The following ZNF609 variants were observed in gnomAD, a reference collection of about 807,000 sequenced individuals.
ZNF609 encodes the protein zinc finger protein 609.
In ZNF609, 11 loss-of-function variants were observed where a neutral mutation model predicts 109.5. That is an observed-to-expected ratio of 0.10 (90% CI 0.06 to 0.17). The LOEUF (loss-of-function observed/expected upper bound fraction) is 0.17, where lower values mean the gene tolerates loss of function less well. Among genes scored for constraint, ZNF609 ranks in the 10% least tolerant of loss-of-function variants. The pLI is 1.00. For synonymous variants in ZNF609, 646 were observed against 662.0 expected, an observed-to-expected ratio of 0.98 and a Z score of 0.37; for missense variants, 1,559 against 1,772.4, an observed-to-expected ratio of 0.88 and a Z score of 2.16.
chr15:64,623,104 G>A, intron 3 of ZNF609, 52 bp downstream of exon 3: 1 of 1,546,592 alleles, frequency 6.5e-7, no homozygotes, highest in Non-Finnish European at 8.9e-7. Flanking sequence ...TTCTGCAGGG[G>A]AGCCACCAGG....
At chr15:64,475,204 C>T (rs1281772453) in intron 1 of ZNF609, among the ~76,000 whole-genome samples, 1 of 147,038 alleles carries the variant, frequency 6.8e-6, no homozygotes, top group East Asian at 2.1e-4. Context: ...TTGGAATGCA[C>T]TACCTTGCTC....
intron 3 of ZNF609, among the ~76,000 whole-genome samples, chr15:64,628,155 G>C (rs1208759168): frequency 6.6e-6 from 1 of 151,748 alleles, no homozygotes; most frequent in African/African-American, 2.4e-5. Flanking sequence ...TGGAATCAGG[G>C]CCAGGCACAG....
chr15:64,589,539 C>A (rs1269116863), intron 2 of ZNF609, among the ~76,000 whole-genome samples: 2 of 152,154 alleles, frequency 1.3e-5, no homozygotes. Context: ...AGTTAAATAA[C>A]TTGCCTAAAG....
Position 64,665,510 on chromosome 15 carries a change from A to G in ZNF609, c.974-4836A>G, listed in dbSNP as rs867615640. On this transcript the variant is annotated intron_variant, in intron 3 of 9. Coordinates refer to ENST00000326648, the MANE Select transcript of ZNF609 (RefSeq NM_015042.2). ...CTCATGCCTGTAATCCCAGCTCTTT[A>G]GGAAACCAAGGCAGGAGGATCACTT... Among the ~76,000 whole-genome samples the G allele has an allele frequency of 1.3e-4, 20 of 152,180 alleles. 1 individual carries two copies. Among genetic ancestry groups the G allele is most frequent in the Admixed American group, 5.9e-4 (9 of 15,294 alleles).
rs528889151 is a variant in ZNF609 at position 64,557,386 on chromosome 15, G to A, written c.747+57220G>A. 3.3e-5 allele frequency among the ~76,000 whole-genome samples: 5 copies of A among 152,126 alleles called. No individual in the cohort carries two copies. In the South Asian group the frequency reaches 1.0e-3, roughly 32 times the overall value. Reference sequence around the variant, plus strand: ...CACCCACTAAAAATTGTGAAACTGTGCAGATGTAATAAATATATTGTGTGT... The same window carrying A: ...CACCCACTAAAAATTGTGAAACTGTACAGATGTAATAAATATATTGTGTGT... On this transcript the variant is annotated intron_variant, in intron 2 of 9. Transcript: ENST00000326648.
At chr15:64,483,341 G>T (rs139652819) in intron 1 of ZNF609, among the ~76,000 whole-genome samples, 3 of 152,018 alleles carry the variant, frequency 2.0e-5, no homozygotes, top group Admixed American at 6.5e-5. Context: ...TGATCTGCCC[G>T]CCTCAGCCTC....
intron 2 of ZNF609, among the ~76,000 whole-genome samples, chr15:64,602,860 C>G (rs540084089): frequency 7.0e-6 from 1 of 143,626 alleles, no homozygotes; most frequent in Non-Finnish European, 1.5e-5. Context: ...GTAGCTGGGA[C>G]TACAGGTGCC....
chr15:64,505,974 C>T (rs113508486), intron 2 of ZNF609, among the ~76,000 whole-genome samples: 2,110 of 151,864 alleles, frequency 0.014, 16 homozygotes, highest in Non-Finnish European at 0.019. Context: ...GACTCCGTCT[C>T]AAAAAAATAA....
chr15:64,500,697 G>A (rs640005), intron 2 of ZNF609: 413,878 of 437,822 alleles, frequency 0.95, 197,140 homozygotes, highest in East Asian at 1. Context: ...ACCAAAGAGC[G>A]AAGGGGCACA....
chr15:64,574,723 T>C (rs1450513560), intron 2 of ZNF609, among the ~76,000 whole-genome samples: 1 of 152,170 alleles, frequency 6.6e-6, no homozygotes. Flanking sequence ...CTCTTTGCCC[T>C]GATGCCCCCT....
chr15:64,532,032 C>G (rs191490863), intron 2 of ZNF609, among the ~76,000 whole-genome samples: 206 of 152,256 alleles, frequency 1.4e-3, no homozygotes, highest in African/African-American at 4.8e-3. Context: ...ATGGCCTTAT[C>G]TCCTATTTCT....
chr15:64,639,616 T>C (rs1896224988), intron 3 of ZNF609, among the ~76,000 whole-genome samples: 1 of 152,200 alleles, frequency 6.6e-6, no homozygotes, highest in Non-Finnish European at 1.5e-5. Flanking sequence ...CTAATGACCT[T>C]ATCTTGATAA....
intron 2 of ZNF609, among the ~76,000 whole-genome samples, chr15:64,505,621 A>G (rs182209504): frequency 3.9e-5 from 6 of 152,338 alleles, no homozygotes; most frequent in Admixed American, 2.0e-4. Flanking sequence ...AAAACCATGT[A>G]CATCACCAGA....
chr15:64,577,294 C>T (rs865925307), intron 2 of ZNF609, among the ~76,000 whole-genome samples: 1 of 13,798 alleles, frequency 7.2e-5, no homozygotes, highest in African/African-American at 8.6e-5. Flanking sequence ...TATATACACA[C>T]AAATATATAC....
intron 1 of ZNF609, among the ~76,000 whole-genome samples, chr15:64,497,412 C>T (rs1429001560): frequency 6.6e-6 from 1 of 152,108 alleles, no homozygotes; most frequent in African/African-American, 2.4e-5. Flanking sequence ...CTCCTTTGCT[C>T]TTCTACTGTG....
intron 4 of ZNF609, among the ~76,000 whole-genome samples, chr15:64,671,585 G>C (rs1348557677): frequency 6.6e-6 from 1 of 152,104 alleles, no homozygotes; most frequent in African/African-American, 2.4e-5. Context: ...GTCGCAATTT[G>C]ACCTTTAGAT....
chr15:64,527,044 G>T (rs569366803), intron 2 of ZNF609, among the ~76,000 whole-genome samples: 4 of 151,936 alleles, frequency 2.6e-5, no homozygotes, highest in Non-Finnish European at 4.4e-5. Flanking sequence ...TGAGGAACAG[G>T]TGAGGAAGGA....
intron 3 of ZNF609, among the ~76,000 whole-genome samples, chr15:64,628,320 G>C (rs1024878546): frequency 1.3e-5 from 2 of 151,624 alleles, no homozygotes; most frequent in African/African-American, 4.8e-5. Context: ...AAAGAAACAT[G>C]TAATCAGCAT....
chr15:64,475,358 G>A (rs1355523488), intron 1 of ZNF609, among the ~76,000 whole-genome samples: 1 of 149,956 alleles, frequency 6.7e-6, no homozygotes, highest in Non-Finnish European at 1.5e-5. Context: ...ACTTTTTGCT[G>A]GGATCTCTGT....
Sources: allele counts gnomAD v4.1 joint callset (sites outside exome capture counted in the v4.1 genomes callset), GRCh38; gene constraint gnomAD v4.1.1; transcripts MANE v1.5; gene names NCBI Gene and HGNC (gene_info 2026-07-23, HGNC 2026-07-21).